RECK: variants seen among roughly 807,000 people sequenced by gnomAD.
RECK encodes reversion inducing cysteine rich protein with kazal motifs.
RECK carries 69 observed loss-of-function variants against 115.1 expected under a neutral mutation model. The observed-to-expected ratio is 0.60, with a 90% CI of 0.49 to 0.73. The LOEUF is 0.73. RECK is among the 30% of genes least tolerant of loss of function. RECK has a pLI of 0.00. For synonymous variants in RECK, 414 were observed against 419.7 expected (o/e 0.99, Z 0.17); for missense variants, 1,047 against 1,203.7 (o/e 0.87, Z 1.93).
Position 36,120,676 on chromosome 9 carries a change from A to G in RECK, c.2478A>G (p.Pro826=), listed in dbSNP as rs558651718. The change falls in exon 19 of 21, where the codon CCA becomes CCG. Residue 826 remains proline, a synonymous_variant. Transcript: ENST00000377966. ...KPIIPPGACC[P]LCAGMLRVLF... ...TCTGTTATACAGGTGCTTGTTGCCCATTATGTGCTGGGATGTTAAGAGTTT... is the reference window on the plus strand; with the variant it reads ...TCTGTTATACAGGTGCTTGTTGCCCGTTATGTGCTGGGATGTTAAGAGTTT... 6.6e-5 allele frequency: 106 copies of G among 1,613,112 alleles called. No individual in the cohort carries two copies. Among genetic ancestry groups the G allele is most frequent in the Non-Finnish European group, 8.7e-5 (103 of 1,179,218 alleles).
chr9:36,111,595 T>C (rs1220538214), intron 15 of RECK, among the ~76,000 whole-genome samples: 3 of 152,088 alleles, frequency 2.0e-5, no homozygotes, highest in African/African-American at 7.2e-5. Flanking sequence ...GGTTTCTCCA[T>C]GTTGGTCAGG....
intron 19 of RECK, among the ~76,000 whole-genome samples, chr9:36,121,223 T>C (rs928984708): frequency 2.0e-5 from 3 of 152,176 alleles, no homozygotes; most frequent in African/African-American, 4.8e-5. Flanking sequence ...AACCTAGAGA[T>C]TTAGCCCCAT....
At chr9:36,062,483 G>T (rs1429168755) in intron 4 of RECK, among the ~76,000 whole-genome samples, 8 of 149,622 alleles carry the variant, frequency 5.3e-5, no homozygotes, top group South Asian at 2.1e-4. Context: ...TGTTGTTTTG[G>T]TTTTTTGTTT....
At chr9:36,067,589 G>A (rs1254040519) in intron 6 of RECK, among the ~76,000 whole-genome samples, 1 of 152,062 alleles carries the variant, frequency 6.6e-6, no homozygotes, top group Non-Finnish European at 1.5e-5. Context: ...TTAATATAAA[G>A]CATTGTTACA....
intron 1 of RECK, among the ~76,000 whole-genome samples, chr9:36,048,419 A>C (rs1267692378): frequency 6.6e-6 from 1 of 151,932 alleles, no homozygotes; most frequent in African/African-American, 2.4e-5. Flanking sequence ...TCTTTCTCTA[A>C]GTTGATGAAG....
intron 1 of RECK, among the ~76,000 whole-genome samples, chr9:36,043,067 C>G (rs1355840436): frequency 8.3e-6 from 1 of 120,084 alleles, no homozygotes; most frequent in East Asian, 2.7e-4. Context: ...GCTCTGTTGC[C>G]TAGGCTGGAG....
At chr9:36,081,014 G>A (rs371322963) in intron 7 of RECK, among the ~76,000 whole-genome samples, 16 of 152,312 alleles carry the variant, frequency 1.1e-4, no homozygotes, top group African/African-American at 3.6e-4. Flanking sequence ...GATATGGTAG[G>A]ATATGAGATA....
intron 8 of RECK, among the ~76,000 whole-genome samples, chr9:36,084,858 C>A (rs915827505): frequency 6.6e-6 from 1 of 152,072 alleles, no homozygotes; most frequent in Non-Finnish European, 1.5e-5. Context: ...AGTTCAAGAC[C>A]AGCCTGGACA....
chr9:36,115,401 C>T (rs951324442), intron 16 of RECK, among the ~76,000 whole-genome samples: 4 of 150,716 alleles, frequency 2.7e-5, no homozygotes, highest in African/African-American at 9.7e-5. Context: ...TTTTTCTAAA[C>T]ATTAGGACAT....
intron 9 of RECK, among the ~76,000 whole-genome samples, chr9:36,088,226 A>G (rs1823040251): frequency 6.6e-6 from 1 of 152,238 alleles, no homozygotes; most frequent in African/African-American, 2.4e-5. Context: ...AAGATGATGC[A>G]ATAGATGAAT....
At chr9:36,054,699 A>AT (rs1821452562) in intron 2 of RECK, among the ~76,000 whole-genome samples, 1 of 152,094 alleles carries the variant, frequency 6.6e-6, no homozygotes, top group South Asian at 2.1e-4. Context: ...GGCATTAAAA[A>AT]TTTTTTAATA....
intron 15 of RECK, 102 bp from the exon 16 acceptor site, chr9:36,112,203 G>T: frequency 3.2e-6 from 3 of 952,328 alleles, no homozygotes; most frequent in Non-Finnish European, 4.7e-6. Flanking sequence ...CTATTTTAAC[G>T]TGAGACCTTC....
chr9:36,080,256 G>T (rs1312155846), intron 6 of RECK, among the ~76,000 whole-genome samples: 1 of 152,120 alleles, frequency 6.6e-6, no homozygotes, highest in Non-Finnish European at 1.5e-5. Flanking sequence ...TATTTCCCTA[G>T]ATGTCATTTA....
At chr9:36,117,340 T>G (rs1196851549) in intron 17 of RECK, among the ~76,000 whole-genome samples, 163 bp downstream of exon 17, 4 of 152,228 alleles carry the variant, frequency 2.6e-5, no homozygotes, top group Non-Finnish European at 5.9e-5. Context: ...CTCCTTCTCC[T>G]AACTCTGGAA....
chr9:36,058,806 T>A (rs1469599884), intron 2 of RECK, 21 bp from the exon 3 acceptor site: 3 of 529,176 alleles, frequency 5.7e-6, no homozygotes, highest in Admixed American at 4.1e-5. Context: ...CCACAAAAAC[T>A]TTTTTTTTTT....
chr9:36,037,806 C>G (rs1383012386), intron 1 of RECK, among the ~76,000 whole-genome samples: 2 of 151,794 alleles, frequency 1.3e-5, no homozygotes, highest in Non-Finnish European at 2.9e-5. Context: ...TGAAGTAACT[C>G]GAATTCAAGG....
At chr9:36,093,879 T>A (rs1256878731) in intron 10 of RECK, among the ~76,000 whole-genome samples, 1 of 152,000 alleles carries the variant, frequency 6.6e-6, no homozygotes, top group Non-Finnish European at 1.5e-5. Context: ...ACTTTACATA[T>A]GATGGAATAA....
intron 6 of RECK, among the ~76,000 whole-genome samples, chr9:36,067,797 CACATA>C (rs1822067399): frequency 6.6e-6 from 1 of 152,008 alleles, no homozygotes; most frequent in Non-Finnish European, 1.5e-5. Context: ...ATATACTGCA[CACATA>C]AGGGCTCAGG....
Position 36,100,501 on chromosome 9 carries a change from TTAAACCTTGTCATAG to T in RECK, c.1261_1275del (p.Pro421_Lys425del), listed in dbSNP as rs1301767281. 6.2e-7 allele frequency: 1 copy of T among 1,614,160 alleles called. No individual in the cohort carries two copies. The highest frequency in any genetic ancestry group is 1.7e-5 in the Admixed American group (1 of 60,022). On this transcript the variant is annotated inframe_deletion, in exon 11 of 21. Transcript: ENST00000377966. ...AAAGCAATAGCTTGTTCACTGCAGA[TTAAACCTTGTCATAG>T]TAAATCTCGGGGAAGTATTATTTGC... is the stretch of plus-strand genomic sequence containing the variant.
Sources: allele counts gnomAD v4.1 joint callset (sites outside exome capture counted in the v4.1 genomes callset), GRCh38; gene constraint gnomAD v4.1.1; transcripts MANE v1.5; gene names NCBI Gene and HGNC (gene_info 2026-07-23, HGNC 2026-07-21).